SEC24D: variants seen among roughly 807,000 people sequenced by gnomAD.
SEC24D encodes the protein SEC24 homolog D, COPII component.
In SEC24D, 69 loss-of-function variants were observed where a neutral mutation model predicts 116.9. The ratio of observed to expected loss-of-function variants is 0.59; its 90% CI spans 0.49 to 0.72. The LOEUF (loss-of-function observed/expected upper bound fraction) is 0.72, where lower values mean the gene tolerates loss of function less well. Ranked by LOEUF, SEC24D falls within the 30% of genes least tolerant of loss-of-function variation. The pLI, the probability that SEC24D is intolerant of heterozygous loss-of-function variation, is 0.00. For missense variants in SEC24D, 1,131 were observed against 1,264.1 expected, an observed-to-expected ratio of 0.89 and a Z score of 1.60; for synonymous variants, 405 against 442.8, an observed-to-expected ratio of 0.91 and a Z score of 1.07.
intron 6 of SEC24D, among the ~76,000 whole-genome samples, chr4:118,812,775 G>C (rs756613326): frequency 2.6e-5 from 4 of 152,180 alleles, no homozygotes; most frequent in Non-Finnish European, 5.9e-5. Flanking sequence ...CTGGGATACA[G>C]AAATCCCTCT....
At chr4:118,753,635 C>T (rs866605739) in intron 11 of SEC24D, among the ~76,000 whole-genome samples, 1 of 151,802 alleles carries the variant, frequency 6.6e-6, no homozygotes, top group African/African-American at 2.4e-5. Context: ...TGAATGTTCT[C>T]GTTCCAGTCT....
intron 6 of SEC24D, among the ~76,000 whole-genome samples, chr4:118,807,740 G>A (rs550960178): frequency 6.6e-6 from 1 of 152,288 alleles, no homozygotes; most frequent in South Asian, 2.1e-4. Context: ...AAATGTTGAT[G>A]ACAGATTTAG....
chr4:118,779,681 C>A (rs1251653684), intron 8 of SEC24D, among the ~76,000 whole-genome samples: 1 of 152,178 alleles, frequency 6.6e-6, no homozygotes, highest in Non-Finnish European at 1.5e-5. Flanking sequence ...AGGAATGGTA[C>A]CAGCTTCTCT....
chr4:118,743,384 T>C (rs1288348157), intron 15 of SEC24D, among the ~76,000 whole-genome samples: 1 of 151,928 alleles, frequency 6.6e-6, no homozygotes, highest in South Asian at 2.1e-4. Context: ...CACACAGTTG[T>C]CTCTCGTTAT....
chr4:118,796,664 A>G (rs763458498), intron 8 of SEC24D, among the ~76,000 whole-genome samples: 17 of 152,162 alleles, frequency 1.1e-4, no homozygotes, highest in Non-Finnish European at 1.8e-4. Flanking sequence ...CCCACTCACC[A>G]TAGCTTCCTC....
In SEC24D at chr4:118,828,960, G is replaced by A. The variant is rs575410331; in HGVS notation, c.119-4211C>T. 9.8e-4 allele frequency among the ~76,000 whole-genome samples: 149 copies of A among 152,238 alleles called. 1 individual carries two copies. Among genetic ancestry groups the A allele is most frequent in the African/African-American group, 3.2e-3 (135 of 41,542 alleles). Reference sequence around the variant, plus strand: ...TTCCAATCCCAGCAAACTGCTTCCCGACCTGGCCAATTCTCACTCATGTTT... The same window carrying A: ...TTCCAATCCCAGCAAACTGCTTCCCAACCTGGCCAATTCTCACTCATGTTT... On this transcript the variant is annotated intron_variant, in intron 2 of 22. Coordinates refer to ENST00000280551, the MANE Select transcript of SEC24D (RefSeq NM_014822.4).
At chr4:118,743,239 T>C (rs1391248373) in intron 15 of SEC24D, among the ~76,000 whole-genome samples, 2 of 152,086 alleles carry the variant, frequency 1.3e-5, no homozygotes, top group Non-Finnish European at 2.9e-5. Context: ...TTTTCTCCAT[T>C]ATGAAAGCTC....
At chr4:118,781,779 G>C (rs546569136) in intron 8 of SEC24D, among the ~76,000 whole-genome samples, 1 of 152,226 alleles carries the variant, frequency 6.6e-6, no homozygotes, top group East Asian at 1.9e-4. Context: ...TGGAGGCTTT[G>C]TTCATTTCTT....
chr4:118,740,069 G>C (rs1190808747), intron 17 of SEC24D, among the ~76,000 whole-genome samples: 2 of 152,136 alleles, frequency 1.3e-5, no homozygotes, highest in African/African-American at 2.4e-5. Context: ...GTTCATTAGA[G>C]TGCACCCTAA....
At chr4:118,775,897 T>A (rs898385730) in intron 8 of SEC24D, among the ~76,000 whole-genome samples, 2 of 152,198 alleles carry the variant, frequency 1.3e-5, no homozygotes, top group Non-Finnish European at 2.9e-5. Context: ...TGGGTTTATG[T>A]TTAAAATAAA....
chr4:118,821,430 G>A (rs1386338659), intron 3 of SEC24D, among the ~76,000 whole-genome samples: 1 of 152,270 alleles, frequency 6.6e-6, no homozygotes, highest in South Asian at 2.1e-4. Flanking sequence ...GTAACTCTAT[G>A]TAGATAACTT....
At chr4:118,765,227 C>A (rs965825370) in intron 9 of SEC24D, among the ~76,000 whole-genome samples, 1 of 152,120 alleles carries the variant, frequency 6.6e-6, no homozygotes, top group African/African-American at 2.4e-5. Context: ...CATTTTATTA[C>A]CTCTTTTAAA....
chr4:118,731,244 T>C, intron 21 of SEC24D, 72 bp downstream of exon 21: 1 of 1,217,152 alleles, frequency 8.2e-7, no homozygotes. Flanking sequence ...AATATTTGAC[T>C]GCACATAAAT....
chr4:118,723,419 A>G lies in SEC24D; in HGVS notation c.*96T>C. On this transcript the variant is annotated 3_prime_UTR_variant, in exon 23 of 23. Transcript: ENST00000280551. Reference sequence around the variant, plus strand: ...TGGAAAGTTATTCTGAAAATGAGCAAGAAATCAAAACTAGCCTATTATCAT... The same window carrying G: ...TGGAAAGTTATTCTGAAAATGAGCAGGAAATCAAAACTAGCCTATTATCAT... The G allele has an allele frequency of 1.6e-6, 2 of 1,288,432 alleles. No individual in the cohort carries two copies. The highest frequency in any genetic ancestry group is 2.1e-6 in the Non-Finnish European group (2 of 932,290). 79.8% of individuals were successfully genotyped at this position (1,288,432 alleles called of 1,614,324 possible). A position where few individuals can be genotyped will look rare whatever the true frequency, so the allele number is the denominator to read the frequency against.
At chr4:118,803,329 C>T (rs1356656596) in intron 7 of SEC24D, among the ~76,000 whole-genome samples, 1 of 152,148 alleles carries the variant, frequency 6.6e-6, no homozygotes, top group Non-Finnish European at 1.5e-5. Context: ...AAAAGCTATG[C>T]ACATGCTGTT....
intron 3 of SEC24D, among the ~76,000 whole-genome samples, chr4:118,817,863 AC>A (rs144465467): frequency 0.044 from 6,639 of 152,044 alleles, 202 homozygotes; most frequent in Non-Finnish European, 0.064. Context: ...ACATAGTGAG[AC>A]CCCCTTCTCT....
intron 3 of SEC24D, among the ~76,000 whole-genome samples, chr4:118,820,232 G>A (rs1361179147): frequency 6.7e-6 from 1 of 149,062 alleles, no homozygotes; most frequent in Non-Finnish European, 1.5e-5. Context: ...CCAGGCTGGA[G>A]TAAAATGGCA....
At chr4:118,762,247 A>T (rs1262442017) in intron 10 of SEC24D, among the ~76,000 whole-genome samples, 1 of 152,092 alleles carries the variant, frequency 6.6e-6, no homozygotes, top group Non-Finnish European at 1.5e-5. Flanking sequence ...CTCCAGGATG[A>T]TTGTGTTAAT....
chr4:118,730,299 CT>C (rs1725619973), intron 21 of SEC24D: 1 of 152,150 alleles, frequency 6.6e-6, no homozygotes, highest in Non-Finnish European at 1.5e-5. Context: ...ATATCAATTT[CT>C]AAATCTTCAT....
Sources: allele counts gnomAD v4.1 joint callset (sites outside exome capture counted in the v4.1 genomes callset), GRCh38; gene constraint gnomAD v4.1.1; transcripts MANE v1.5; gene names NCBI Gene and HGNC (gene_info 2026-07-23, HGNC 2026-07-21).